VPS54: variants seen among roughly 807,000 people sequenced by gnomAD.
VPS54 encodes vacuolar protein sorting-associated protein 54.
A neutral mutation model predicts 121.5 loss-of-function variants in VPS54; 45 were observed. The observed-to-expected ratio is 0.37, with a 90% CI of 0.29 to 0.47. The LOEUF is 0.47. Among genes scored for constraint, VPS54 ranks in the 20% least tolerant of loss-of-function variants. The pLI is 0.99. For synonymous variants in VPS54, 371 were observed against 385.8 expected (o/e 0.96, Z 0.45); for missense variants, 1,090 against 1,131.4 (o/e 0.96, Z 0.52).
At chr2:63,986,474 T>G (rs1375237769) in intron 1 of VPS54, among the ~76,000 whole-genome samples, 1 of 152,252 alleles carries the variant, frequency 6.6e-6, no homozygotes, top group Admixed American at 6.5e-5. Flanking sequence ...TTCTCTATTG[T>G]GTATATGTAC....
At chr2:63,974,977 C>A in intron 3 of VPS54, 1 of 1,547,354 alleles carries the variant, frequency 6.5e-7, no homozygotes, top group South Asian at 1.2e-5. Flanking sequence ...TGACAGGGGA[C>A]ATCCTTACCT....
intron 3 of VPS54, among the ~76,000 whole-genome samples, chr2:63,978,054 G>A (rs1032370146): frequency 2.0e-5 from 3 of 152,164 alleles, no homozygotes; most frequent in African/African-American, 7.2e-5. Context: ...GAAGGGAGGG[G>A]AAGCATTCTA....
At chr2:63,900,579 T>C (rs1055832189) in intron 20 of VPS54, among the ~76,000 whole-genome samples, 3 of 152,152 alleles carry the variant, frequency 2.0e-5, no homozygotes, top group Admixed American at 1.3e-4. Context: ...TAAAAGCTGG[T>C]TGGTGTTCCA....
intron 1 of VPS54, among the ~76,000 whole-genome samples, chr2:64,010,069 C>T (rs908803463): frequency 3.3e-5 from 5 of 151,284 alleles, no homozygotes; most frequent in Admixed American, 1.3e-4. Context: ...CTCAAACTCC[C>T]GACCTCAGGT....
At chr2:63,895,095 ATAATT>A (rs755805453) in intron 22 of VPS54, among the ~76,000 whole-genome samples, 1 of 152,126 alleles carries the variant, frequency 6.6e-6, no homozygotes, top group African/African-American at 2.4e-5. Flanking sequence ...AGAAATATAA[ATAATT>A]TATTATTCTC....
rs368688769 is a variant in VPS54 at position 63,939,876 on chromosome 2, T to G, written c.1398+2589A>C. ...CCCGGGTTCAAGTGATTCTCCTGCC[T>G]CAGCCTCCCAAGTAGCTGGGACAAA... On this transcript the variant is annotated intron_variant, in intron 11 of 22. Coordinates refer to ENST00000272322, the MANE Select transcript of VPS54 (RefSeq NM_016516.3). Among the ~76,000 whole-genome samples, 9 of 152,110 alleles carry G rather than the reference T, an allele frequency of 5.9e-5. No individual in the cohort carries two copies. The East Asian group carries it at 1.7e-3, about 29-fold the overall frequency.
intron 12 of VPS54, among the ~76,000 whole-genome samples, chr2:63,923,241 G>A (rs947182202): frequency 2.6e-5 from 4 of 151,920 alleles, no homozygotes; most frequent in Admixed American, 6.6e-5. Context: ...GTGTGAACCC[G>A]GTAGGCAGAG....
intron 12 of VPS54, among the ~76,000 whole-genome samples, chr2:63,927,585 A>T (rs1319839961): frequency 6.6e-6 from 1 of 152,200 alleles, no homozygotes; most frequent in Non-Finnish European, 1.5e-5. Flanking sequence ...AAGACTCCAA[A>T]AGCCAGAATA....
chr2:63,893,233 T>TA lies in VPS54; in HGVS notation c.*196dup. On this transcript the variant is annotated 3_prime_UTR_variant, in exon 23 of 23. Coordinates refer to ENST00000272322, the MANE Select transcript of VPS54 (RefSeq NM_016516.3). Reference sequence around the variant, plus strand: ...ACACCTGATCAGTTACTCCTCACTGTAGGATGCACAAAAATGACATTCCTT... The same window carrying TA: ...ACACCTGATCAGTTACTCCTCACTGTAAGGATGCACAAAAATGACATTCCTT... The TA allele has an allele frequency of 1.5e-6, 1 of 667,750 alleles. No homozygotes were observed. Among genetic ancestry groups the TA allele is most frequent in the Non-Finnish European group, 2.7e-6 (1 of 365,468 alleles). The allele number at this position is 667,750 out of a possible 1,614,324, so 41.4% of individuals were successfully genotyped here. A position where few individuals can be genotyped will look rare whatever the true frequency, so the allele number is the denominator to read the frequency against.
intron 1 of VPS54, among the ~76,000 whole-genome samples, chr2:63,989,386 G>A (rs189657683): frequency 1.7e-4 from 26 of 152,146 alleles, no homozygotes; most frequent in African/African-American, 6.3e-4. Context: ...TTCGGCTCAG[G>A]GGGCATCATG....
At chr2:63,919,853 G>C (rs1306076564) in intron 15 of VPS54, 30 bp downstream of exon 15, 6 of 1,495,612 alleles carry the variant, frequency 4.0e-6, no homozygotes, top group Non-Finnish European at 5.5e-6. Flanking sequence ...ATATAAAATT[G>C]AAAGAGAATG....
chr2:64,001,373 C>A (rs1031193503), intron 1 of VPS54, among the ~76,000 whole-genome samples: 1 of 152,198 alleles, frequency 6.6e-6, no homozygotes, highest in African/African-American at 2.4e-5. Flanking sequence ...CCACTATGGC[C>A]AAGGTGATAC....
chr2:63,919,884 T>C lies in VPS54; in HGVS notation c.2163A>G (p.Gly721=). ...GKIALPEKKS[G]ATEERKPAEV... ...GAATGTGTGAATGAATACACATACC[T>C]CCTGATTTTTTTTCAGGTAAAGCAA... Residue 721 remains glycine, a splice_region_variant and synonymous_variant, in exon 15 of 23, where the codon GGA becomes GGG. Coordinates refer to ENST00000272322, the MANE Select transcript of VPS54 (RefSeq NM_016516.3). 1.2e-6 allele frequency: 2 copies of C among 1,607,694 alleles called. No individual in the cohort carries two copies. The highest frequency in any genetic ancestry group is 1.1e-5 in the South Asian group (1 of 90,244).
In VPS54 at chr2:64,003,687, TAAGGAA is replaced by T. The variant is rs531835590; in HGVS notation, c.-21+15245_-21+15250del. Among the ~76,000 whole-genome samples the T allele has an allele frequency of 1.8e-4, 27 of 152,120 alleles. No homozygotes were observed. The South Asian group carries it at 2.7e-3, about 15-fold the overall frequency. ...TAATAACAGAATGGGTCTGGGCTAA[TAAGGAA>T]AAGAAAAAACAATCATCCATTCCAA... is the stretch of plus-strand genomic sequence containing the variant. On this transcript the variant is annotated intron_variant, in intron 1 of 22. Coordinates refer to ENST00000272322, the MANE Select transcript of VPS54 (RefSeq NM_016516.3).
chr2:64,014,630 C>T (rs907298255), intron 1 of VPS54, among the ~76,000 whole-genome samples: 2 of 105,446 alleles, frequency 1.9e-5, no homozygotes, highest in African/African-American at 5.3e-5. Context: ...GCCTTACTAT[C>T]TACATTCCTG....
intron 1 of VPS54, among the ~76,000 whole-genome samples, chr2:63,987,005 C>G (rs1677083749): frequency 3.3e-5 from 5 of 152,226 alleles, no homozygotes; most frequent in African/African-American, 7.2e-5. Flanking sequence ...AAATATTTTC[C>G]TCCCATTCTG....
chr2:63,961,228 A>G (rs17028271), intron 7 of VPS54, among the ~76,000 whole-genome samples: 2,800 of 152,176 alleles, frequency 0.018, 99 homozygotes, highest in African/African-American at 0.064. Flanking sequence ...TAACTGAATG[A>G]ATCAATCAAT....
chr2:63,945,494 C>T (rs1452879416), intron 9 of VPS54, among the ~76,000 whole-genome samples: 1 of 152,080 alleles, frequency 6.6e-6, no homozygotes, highest in Non-Finnish European at 1.5e-5. Context: ...ACTCATGTCA[C>T]ATGTTTACTT....
At chr2:63,940,822 A>C (rs374119723) in intron 11 of VPS54, among the ~76,000 whole-genome samples, 1 of 152,214 alleles carries the variant, frequency 6.6e-6, no homozygotes, top group African/African-American at 2.4e-5. Context: ...TGTGATGATG[A>C]GGTCATGGTC....
Sources: gnomAD v4.1 joint callset for allele counts (sites outside exome capture counted in the v4.1 genomes callset) on GRCh38, gnomAD v4.1.1 for gene constraint, MANE v1.5 for transcripts, NCBI Gene and HGNC (gene_info 2026-07-23, HGNC 2026-07-21) for gene names.